The following PCNX1 variants were observed in gnomAD, a reference collection of about 807,000 sequenced individuals.
PCNX1 encodes the protein pecanex-like protein 1.
PCNX1 carries 78 observed loss-of-function variants against 242.2 expected under a neutral mutation model. The observed-to-expected ratio is 0.32, with a 90% CI of 0.27 to 0.39. PCNX1 has a LOEUF of 0.39. PCNX1 is among the 10% of genes least tolerant of loss of function. PCNX1 has a pLI of 1.00. For synonymous variants in PCNX1, 1,024 were observed against 1,032.9 expected (o/e 0.99, Z 0.17); for missense variants, 2,581 against 2,856.5 (o/e 0.90, Z 2.20).
rs1441928695 is a variant in PCNX1, at chr14:71,068,766, A to AT, written c.4853-4778dup. On this transcript the variant is annotated intron_variant, in intron 26 of 35. Transcript: ENST00000304743. ...ATATATTTTATATACATTATATATT[A>AT]TGTATACTTCTACACATACATACAT... Among the ~76,000 whole-genome samples the AT allele has an allele frequency of 1.5e-4, 18 of 123,060 alleles. 4 individuals carry two copies. Among genetic ancestry groups the AT allele is most frequent in the African/African-American group, 6.8e-4 (18 of 26,452 alleles). The allele number at this position is 123,060 out of a possible 152,430, so 80.7% of individuals were successfully genotyped here. A position where few individuals can be genotyped will look rare whatever the true frequency, so the allele number is the denominator to read the frequency against.
chr14:70,993,796 T>G (rs1481635539), intron 7 of PCNX1, among the ~76,000 whole-genome samples: 1 of 152,194 alleles, frequency 6.6e-6, no homozygotes, highest in East Asian at 1.9e-4. Context: ...ACTTAAACAT[T>G]TTTTTCTCAG....
intron 24 of PCNX1, among the ~76,000 whole-genome samples, chr14:71,052,316 T>C (rs80312428): frequency 6.6e-6 from 1 of 151,876 alleles, no homozygotes; most frequent in Non-Finnish European, 1.5e-5. Context: ...GGGGCTCAAG[T>C]GATCCTCCTG....
At chr14:71,050,181 T>C (rs2060984986) in intron 22 of PCNX1, among the ~76,000 whole-genome samples, 1 of 152,008 alleles carries the variant, frequency 6.6e-6, no homozygotes, top group Non-Finnish European at 1.5e-5. Context: ...TTTTATTTAT[T>C]ATTATTATAC....
chr14:71,086,523 C>G (rs1319839940), intron 28 of PCNX1, among the ~76,000 whole-genome samples: 1 of 152,164 alleles, frequency 6.6e-6, no homozygotes, highest in Non-Finnish European at 1.5e-5. Flanking sequence ...TTGGAGGGAC[C>G]AGAGCAGCTG....
intron 4 of PCNX1, among the ~76,000 whole-genome samples, chr14:70,968,694 G>A (rs984195268): frequency 3.3e-5 from 5 of 152,150 alleles, no homozygotes; most frequent in African/African-American, 4.8e-5. Flanking sequence ...TTTTCCCTGG[G>A]AAGGAAATTC....
chr14:71,025,929 A>G (rs1208966504), intron 13 of PCNX1, among the ~76,000 whole-genome samples, 188 bp from the exon 14 acceptor site: 2 of 152,150 alleles, frequency 1.3e-5, no homozygotes, highest in Non-Finnish European at 2.9e-5. Flanking sequence ...GTTTCAGTCC[A>G]GTATCTCAGA....
intron 5 of PCNX1, among the ~76,000 whole-genome samples, chr14:70,970,345 AACAGAGGGAG>A (rs1334614996): frequency 1.3e-5 from 2 of 152,132 alleles, no homozygotes; most frequent in Non-Finnish European, 2.9e-5. Context: ...CAGCCTGGGC[AACAGAGGGAG>A]ACCCTTTCTC....
intron 30 of PCNX1, among the ~76,000 whole-genome samples, chr14:71,096,627 T>C (rs1453111965): frequency 6.6e-6 from 1 of 152,200 alleles, no homozygotes; most frequent in African/African-American, 2.4e-5. Context: ...TCTGGCTCTC[T>C]GCTTGTATAG....
At chr14:70,910,535 T>C (rs1015200280) in intron 1 of PCNX1, among the ~76,000 whole-genome samples, 3 of 152,068 alleles carry the variant, frequency 2.0e-5, no homozygotes, top group African/African-American at 7.2e-5. Context: ...TGACTCCTCT[T>C]TTCCAGATAC....
At position 70,907,811 on chromosome 14, in the gene PCNX1, G is replaced by A. The variant is rs2055624665; in HGVS notation, c.-40G>A. On this transcript the variant is annotated 5_prime_UTR_variant, in exon 1 of 36. Coordinates refer to ENST00000304743, the MANE Select transcript of PCNX1 (RefSeq NM_014982.3). ...CCGAGCTGGGGCCGGGGCGGGGACGGCGGCGGCGGCGGCGGCGACGGCGGC... is the reference window on the plus strand; with the variant it reads ...CCGAGCTGGGGCCGGGGCGGGGACGACGGCGGCGGCGGCGGCGACGGCGGC... 8.3e-6 allele frequency: 10 copies of A among 1,201,336 alleles called. No homozygotes were observed. The highest frequency in any genetic ancestry group is 4.5e-5 in the Admixed American group (1 of 22,142). 74.4% of individuals were successfully genotyped at this position (1,201,336 alleles called of 1,614,324 possible). A position where few individuals can be genotyped will look rare whatever the true frequency, so the allele number is the denominator to read the frequency against.
intron 1 of PCNX1, 127 bp from the exon 2 acceptor site, chr14:70,946,788 C>A: frequency 1.4e-6 from 1 of 714,894 alleles, no homozygotes; most frequent in Non-Finnish European, 2.3e-6. Context: ...AGTTTTGCAG[C>A]TTAGCGCTAG....
chr14:71,075,276 C>T (rs1170694570), intron 27 of PCNX1, among the ~76,000 whole-genome samples: 1 of 152,072 alleles, frequency 6.6e-6, no homozygotes, highest in African/African-American at 2.4e-5. Context: ...TAGGTGTGAG[C>T]CGCCATCCCC....
At chr14:71,037,650 T>C (rs2060580206) in intron 19 of PCNX1, among the ~76,000 whole-genome samples, 1 of 151,630 alleles carries the variant, frequency 6.6e-6, no homozygotes, top group Non-Finnish European at 1.5e-5. Context: ...CACTTGATCA[T>C]GGTGGATAAG....
At chr14:70,949,774 G>C (rs2057704019) in intron 2 of PCNX1, among the ~76,000 whole-genome samples, 1 of 152,154 alleles carries the variant, frequency 6.6e-6, no homozygotes, top group African/African-American at 2.4e-5. Flanking sequence ...TGACAGAAGT[G>C]TCTACTTTAT....
In PCNX1 at chr14:70,978,047, C is replaced by T; in HGVS notation, c.1710C>T (p.Ser570=). The T allele has an allele frequency of 6.2e-7, 1 of 1,614,092 alleles. No individual in the cohort carries two copies. The highest frequency in any genetic ancestry group is 8.5e-7 in the Non-Finnish European group (1 of 1,180,016). Residue 570 remains serine (S), a synonymous_variant, in exon 6 of 36, where the codon AGC becomes AGT. Transcript: ENST00000304743. The part of the protein sequence containing the change: ...GRRRTGKKRA[S]SFDSSRHRDY... ...GACGCACAGGAAAAAAACGGGCTAG[C>T]AGTTTTGATTCAAGCCGGCATAGGG...
intron 19 of PCNX1, among the ~76,000 whole-genome samples, chr14:71,043,774 A>C (rs2141076824): frequency 6.6e-6 from 1 of 152,142 alleles, no homozygotes; most frequent in Middle Eastern, 3.4e-3. Flanking sequence ...CTTGTATCTC[A>C]CTGAGTTTCC....
intron 26 of PCNX1, among the ~76,000 whole-genome samples, chr14:71,071,912 A>G (rs1205108906): frequency 6.6e-6 from 1 of 152,194 alleles, no homozygotes; most frequent in South Asian, 2.1e-4. Context: ...GGGAATGGGA[A>G]GGCCTGAAAA....
intron 2 of PCNX1, among the ~76,000 whole-genome samples, chr14:70,960,896 G>T (rs1421244271): frequency 6.6e-6 from 1 of 151,876 alleles, no homozygotes; most frequent in Non-Finnish European, 1.5e-5. Context: ...GCCAAATCAT[G>T]AATGAACTCC....
chr14:71,013,521 G>A lies in PCNX1; in HGVS notation c.2996+319G>A, dbSNP rs1566699715. ...TAAGTTATAGGTAATATGATGCAAA[G>A]TTCTATATAACAGTTATAAGAGGAA... On this transcript the variant is annotated intron_variant, in intron 11 of 35. Transcript: ENST00000304743. Among the ~76,000 whole-genome samples, 4 of 151,906 alleles carry A rather than the reference G, an allele frequency of 2.6e-5. No individual in the cohort carries two copies. In the South Asian group the frequency reaches 8.4e-4, roughly 32 times the overall value.
Sources: gnomAD v4.1 joint callset for allele counts (sites outside exome capture counted in the v4.1 genomes callset) on GRCh38, gnomAD v4.1.1 for gene constraint, MANE v1.5 for transcripts, NCBI Gene and HGNC (gene_info 2026-07-23, HGNC 2026-07-21) for gene names.